CDC14A: variants seen among roughly 807,000 people sequenced by gnomAD.
CDC14A encodes the protein dual specificity protein phosphatase CDC14A.
In CDC14A, 53 loss-of-function variants were observed where a neutral mutation model predicts 74.4. The observed-to-expected ratio is 0.71, with a 90% CI of 0.57 to 0.89. CDC14A has a LOEUF of 0.89. CDC14A is among the 40% of genes least tolerant of loss of function. CDC14A has a pLI of 0.00. For missense variants in CDC14A, 646 were observed against 713.7 expected, an observed-to-expected ratio of 0.91 and a Z score of 1.08; for synonymous variants, 247 against 258.4, an observed-to-expected ratio of 0.96 and a Z score of 0.43.
At chr1:100,411,420 T>C (rs1365948304) in intron 4 of CDC14A, among the ~76,000 whole-genome samples, 1 of 152,228 alleles carries the variant, frequency 6.6e-6, no homozygotes, top group African/African-American at 2.4e-5. Context: ...TTTAAAAAGT[T>C]TTTTTTCTTC....
At chr1:100,457,468 G>A (rs149456187) in intron 8 of CDC14A, among the ~76,000 whole-genome samples, 347 of 151,920 alleles carry the variant, frequency 2.3e-3, no homozygotes, top group African/African-American at 8.0e-3. Context: ...TTTTGCTTTT[G>A]TTTATTTAGA....
At chr1:100,465,764 A>G (rs1441101303) in intron 9 of CDC14A, among the ~76,000 whole-genome samples, 3 of 152,226 alleles carry the variant, frequency 2.0e-5, no homozygotes, top group Non-Finnish European at 2.9e-5. Context: ...GAAATTCTCT[A>G]CCACAAATAA....
intron 11 of CDC14A, among the ~76,000 whole-genome samples, chr1:100,487,491 G>A (rs1670141014): frequency 6.6e-6 from 1 of 152,174 alleles, no homozygotes; most frequent in African/African-American, 2.4e-5. Flanking sequence ...GAACCCGAGA[G>A]GCGGAGGTTG....
chr1:100,394,156 A>G (rs1264341527), intron 4 of CDC14A: 1 of 165,944 alleles, frequency 6.0e-6, no homozygotes, highest in Non-Finnish European at 1.3e-5. Context: ...GCTCTGCCCC[A>G]CAGGCTGCAG....
At chr1:100,397,978 C>T (rs536335663) in intron 4 of CDC14A, among the ~76,000 whole-genome samples, 9 of 152,338 alleles carry the variant, frequency 5.9e-5, no homozygotes, top group African/African-American at 2.2e-4. Flanking sequence ...AGCCATTCTC[C>T]ATTTGGCTTA....
At chr1:100,353,707 C>G in intron 1 of CDC14A, 55 bp from the exon 2 acceptor site, 1 of 910,048 alleles carries the variant, frequency 1.1e-6, no homozygotes, top group Non-Finnish European at 1.8e-6. Flanking sequence ...CCCACCTTCA[C>G]TTCCACTTCT....
At chr1:100,439,905 T>A in intron 5 of CDC14A, 27 bp from the exon 6 acceptor site, 1 of 1,545,040 alleles carries the variant, frequency 6.5e-7, no homozygotes, top group Non-Finnish European at 8.9e-7. Context: ...TGCAAGTTTT[T>A]AATGTTGAGT....
At chr1:100,491,259 T>C in intron 11 of CDC14A, among the ~76,000 whole-genome samples, 1 of 152,102 alleles carries the variant, frequency 6.6e-6, no homozygotes. Context: ...CAAAGCAGCA[T>C]ATGTATATAA....
At chr1:100,435,700 G>T (rs1664236586) in intron 5 of CDC14A, among the ~76,000 whole-genome samples, 1 of 151,868 alleles carries the variant, frequency 6.6e-6, no homozygotes, top group African/African-American at 2.4e-5. Context: ...ATGGTGGCAG[G>T]CGCCTGTAAT....
At chr1:100,458,927 T>C (rs1298969992) in intron 8 of CDC14A, among the ~76,000 whole-genome samples, 18 of 151,738 alleles carry the variant, frequency 1.2e-4, no homozygotes, top group Non-Finnish European at 4.4e-5. Context: ...TTGATTCACA[T>C]TGTTTTGACA....
At chr1:100,387,473 G>A (rs1313403709) in intron 3 of CDC14A, among the ~76,000 whole-genome samples, 1 of 152,176 alleles carries the variant, frequency 6.6e-6, no homozygotes, top group Non-Finnish European at 1.5e-5. Flanking sequence ...CCTAAGCAAA[G>A]TAAATGCTAG....
intron 5 of CDC14A, among the ~76,000 whole-genome samples, chr1:100,425,935 A>G (rs1478576795): frequency 6.6e-6 from 1 of 152,208 alleles, no homozygotes; most frequent in Non-Finnish European, 1.5e-5. Flanking sequence ...TGCTGTCTGT[A>G]GTAAATAAGT....
Position 100,420,061 on chromosome 1 carries a change from C to CATATATATAT in CDC14A, c.310-4160_310-4159insTATATATATA, listed in dbSNP as rs1377818349. 1.6e-3 allele frequency among the ~76,000 whole-genome samples: 99 copies of CATATATATAT among 61,760 alleles called. 1 individual carries two copies. Among genetic ancestry groups the CATATATATAT allele is most frequent in the Middle Eastern group, 9.4e-3 (1 of 106 alleles). 40.5% of individuals were successfully genotyped at this position (61,760 alleles called of 152,430 possible). A position where few individuals can be genotyped will look rare whatever the true frequency, so the allele number is the denominator to read the frequency against. On this transcript the variant is annotated intron_variant, in intron 4 of 15. Coordinates refer to ENST00000336454, the MANE Select transcript of CDC14A (RefSeq NM_003672.4). Reference sequence around the variant, plus strand: ...ACACACACACACACACACACACACACACATATATATATATATATATAGTGT... The same window carrying CATATATATAT: ...ACACACACACACACACACACACACACATATATATATACATATATATATATATATATAGTGT...
At chr1:100,350,387 C>T (rs1034835337), upstream of CDC14A, among the ~76,000 whole-genome samples, 2 of 152,342 alleles carry the variant, frequency 1.3e-5, no homozygotes, top group South Asian at 4.1e-4. Flanking sequence ...GCCACCATGA[C>T]CAGCCCCATG....
Position 100,352,808 on chromosome 1 carries a change from C to G in CDC14A, c.-147C>G, listed in dbSNP as rs1651258896. 2 of 1,455,932 alleles carry G rather than the reference C, an allele frequency of 1.4e-6. No individual in the cohort carries two copies. Among genetic ancestry groups the G allele is most frequent in the Admixed American group, 5.6e-5 (2 of 35,880 alleles). 90.2% of individuals were successfully genotyped at this position (1,455,932 alleles called of 1,614,324 possible). On this transcript the variant is annotated 5_prime_UTR_variant, in exon 1 of 16. Transcript: ENST00000336454. The stretch of plus-strand genomic sequence containing the variant: ...CGGCGCGCTGACCCCGAAGCCGCCT[C>G]CGCCTTCGGCGCCTGCTGCCTCCCT...
chr1:100,383,863 T>C (rs569733691), intron 3 of CDC14A, among the ~76,000 whole-genome samples: 3 of 152,042 alleles, frequency 2.0e-5, no homozygotes, highest in African/African-American at 7.3e-5. Context: ...AGATTTTACT[T>C]TTCTGTGTTT....
At chr1:100,512,971 A>G (rs1649906404) in intron 15 of CDC14A, among the ~76,000 whole-genome samples, 1 of 152,218 alleles carries the variant, frequency 6.6e-6, no homozygotes, top group Non-Finnish European at 1.5e-5. Context: ...TACTTGGGTG[A>G]CAGGTGCACT....
intron 5 of CDC14A, among the ~76,000 whole-genome samples, chr1:100,426,814 A>G (rs367902380): frequency 2.6e-5 from 4 of 152,204 alleles, no homozygotes; most frequent in Admixed American, 1.3e-4. Context: ...TCTTTTTGAT[A>G]TCTTAGGATA....
intron 15 of CDC14A, among the ~76,000 whole-genome samples, chr1:100,512,194 T>C (rs1397423466): frequency 1.3e-5 from 2 of 152,098 alleles, no homozygotes; most frequent in Non-Finnish European, 2.9e-5. Context: ...GCGCTGACAC[T>C]CTCATATTAT....
Sources: allele counts gnomAD v4.1 joint callset (sites outside exome capture counted in the v4.1 genomes callset), GRCh38; gene constraint gnomAD v4.1.1; transcripts MANE v1.5; gene names NCBI Gene and HGNC (gene_info 2026-07-23, HGNC 2026-07-21).